Variants in FHIP1A observed in about 807,000 individuals in gnomAD.
FHIP1A encodes FHF complex subunit HOOK-interacting protein 1A.
FHIP1A carries 61 observed loss-of-function variants against 88.6 expected under a neutral mutation model. The observed-to-expected ratio is 0.69, with a 90% CI of 0.56 to 0.85. The LOEUF is 0.85. Ranked by LOEUF, FHIP1A falls within the 40% of genes least tolerant of loss-of-function variation. FHIP1A has a pLI of 0.00. For missense variants in FHIP1A, 1,154 were observed against 1,273.5 expected (o/e 0.91, Z 1.43); for synonymous variants, 478 against 496.0 (o/e 0.96, Z 0.48).
At chr4:151,643,686 A>G (rs1241151943) in intron 9 of FHIP1A, among the ~76,000 whole-genome samples, 1 of 152,092 alleles carries the variant, frequency 6.6e-6, no homozygotes, top group Admixed American at 6.5e-5. Flanking sequence ...AGAACATGTG[A>G]TATTTGTCTT....
At chr4:151,488,198 T>C (rs937111911) in intron 3 of FHIP1A, among the ~76,000 whole-genome samples, 12 of 152,346 alleles carry the variant, frequency 7.9e-5, no homozygotes, top group Admixed American at 6.5e-4. Flanking sequence ...GCTTTTCTTT[T>C]ATCCATATGT....
chr4:151,648,514 G>A (rs760473007), intron 10 of FHIP1A, among the ~76,000 whole-genome samples: 4 of 152,112 alleles, frequency 2.6e-5, no homozygotes, highest in Non-Finnish European at 5.9e-5. Context: ...TTTAGAGCAT[G>A]AAGAGACGTG....
intron 11 of FHIP1A, among the ~76,000 whole-genome samples, chr4:151,653,377 T>TCCCC: frequency 6.6e-6 from 1 of 151,546 alleles, no homozygotes; most frequent in Admixed American, 6.6e-5. Context: ...TCTCTCTCTC[T>TCCCC]CCCCCTCCCT....
At chr4:151,653,664 C>G (rs1271458855) in intron 11 of FHIP1A, among the ~76,000 whole-genome samples, 1 of 152,116 alleles carries the variant, frequency 6.6e-6, no homozygotes, top group Non-Finnish European at 1.5e-5. Flanking sequence ...AATGCTGTTG[C>G]TGGAGTCCAG....
intron 2 of FHIP1A, among the ~76,000 whole-genome samples, chr4:151,465,073 T>G (rs1468688278): frequency 2.0e-5 from 3 of 152,096 alleles, no homozygotes; most frequent in Non-Finnish European, 4.4e-5. Context: ...CCAGGCATGG[T>G]GGTGCACACC....
At chr4:151,412,687 CTT>C (rs555613459) in intron 1 of FHIP1A, among the ~76,000 whole-genome samples, 35 of 95,818 alleles carry the variant, frequency 3.7e-4, no homozygotes, top group South Asian at 8.0e-4. Context: ...CTCTTTCTTT[CTT>C]TTTTTTTTTT....
intron 2 of FHIP1A, among the ~76,000 whole-genome samples, chr4:151,457,304 G>T (rs1447506634): frequency 6.6e-6 from 1 of 152,186 alleles, no homozygotes; most frequent in African/African-American, 2.4e-5. Context: ...TATGTGTGAA[G>T]CTATTAGGTG....
chr4:151,667,142 G>T lies in FHIP1A; in HGVS notation c.*4388G>T, dbSNP rs1290049113. 6.6e-6 allele frequency: 1 copy of T among 152,332 alleles called. No homozygotes were observed. The highest frequency in any genetic ancestry group is 3.4e-3 in the Middle Eastern group (1 of 294). The allele number at this position is 152,332 out of a possible 1,614,324, so 9.4% of individuals were successfully genotyped here. ...GTGTCATGTGTGGTTTGCTGCAAAC[G>T]GCAGCCTGCTTTGCAGTGTGAGCTC... On this transcript the variant is annotated 3_prime_UTR_variant, in exon 14 of 14. Coordinates refer to ENST00000435205, the MANE Select transcript of FHIP1A (RefSeq NM_001109977.3).
intron 5 of FHIP1A, among the ~76,000 whole-genome samples, chr4:151,581,973 G>T (rs1414245866): frequency 6.6e-6 from 1 of 152,044 alleles, no homozygotes; most frequent in Non-Finnish European, 1.5e-5. Context: ...GGAACAATTT[G>T]GTGCCAACAA....
chr4:151,630,370 C>T (rs947935247), intron 8 of FHIP1A, among the ~76,000 whole-genome samples: 4 of 152,140 alleles, frequency 2.6e-5, no homozygotes, highest in South Asian at 4.1e-4. Flanking sequence ...TCCCCAAAGG[C>T]TATCTCTAGT....
Position 151,566,199 on chromosome 4 carries a change from CG to C in FHIP1A, c.-59del, listed in dbSNP as rs1275663899. 1.8e-6 allele frequency: 2 copies of C among 1,081,770 alleles called. No homozygotes were observed. The highest frequency in any genetic ancestry group is 1.6e-5 in the African/African-American group (1 of 61,812). 67.0% of individuals were successfully genotyped at this position (1,081,770 alleles called of 1,614,324 possible). Reference sequence around the variant, plus strand: ...ATTTCTCAAACTTGAAAGTTAGTGACGGCTTACCAAATTTTAATGAAAATTA... The same window carrying C: ...ATTTCTCAAACTTGAAAGTTAGTGACGCTTACCAAATTTTAATGAAAATTA... On this transcript the variant is annotated 5_prime_UTR_variant, in exon 4 of 14. Coordinates refer to ENST00000435205, the MANE Select transcript of FHIP1A (RefSeq NM_001109977.3).
intron 3 of FHIP1A, among the ~76,000 whole-genome samples, chr4:151,518,710 A>C: frequency 8.3e-6 from 1 of 119,816 alleles, no homozygotes; most frequent in East Asian, 2.9e-4. Flanking sequence ...CTTTCGTTTG[A>C]ATGCGGTGGT....
chr4:151,618,980 A>C (rs1253916431), intron 7 of FHIP1A, among the ~76,000 whole-genome samples: 2 of 152,214 alleles, frequency 1.3e-5, no homozygotes, highest in African/African-American at 4.8e-5. Context: ...CCAGGGTAGA[A>C]GGTTATGAAC....
At chr4:151,487,719 C>T (rs1166099000) in intron 3 of FHIP1A, among the ~76,000 whole-genome samples, 1 of 152,192 alleles carries the variant, frequency 6.6e-6, no homozygotes. Flanking sequence ...TTACAAAATC[C>T]TTTGAGATAC....
intron 7 of FHIP1A, among the ~76,000 whole-genome samples, chr4:151,623,291 G>A (rs2126867517): frequency 6.6e-6 from 1 of 152,284 alleles, no homozygotes; most frequent in Admixed American, 6.5e-5. Flanking sequence ...ACCACAGCCT[G>A]TTCTAGGACA....
chr4:151,571,189 A>G (rs951406801), intron 4 of FHIP1A, among the ~76,000 whole-genome samples: 6 of 152,208 alleles, frequency 3.9e-5, no homozygotes, highest in Admixed American at 3.9e-4. Context: ...TTGAATTCCA[A>G]AAGGTCTCTG....
chr4:151,432,979 G>A (rs576882490), intron 1 of FHIP1A, among the ~76,000 whole-genome samples: 1 of 152,206 alleles, frequency 6.6e-6, no homozygotes, highest in South Asian at 2.1e-4. Context: ...GAGATGAAGG[G>A]AAGGGTATTG....
intron 1 of FHIP1A, among the ~76,000 whole-genome samples, chr4:151,411,697 C>G (rs765988065): frequency 3.5e-4 from 53 of 152,080 alleles, no homozygotes; most frequent in Admixed American, 1.1e-3. Context: ...CCTCCTTTCT[C>G]CATGCAAATA....
intron 8 of FHIP1A, among the ~76,000 whole-genome samples, chr4:151,635,586 C>T (rs756412618): frequency 2.0e-5 from 3 of 151,686 alleles, no homozygotes; most frequent in African/African-American, 4.8e-5. Context: ...TGCTACAACA[C>T]GGATGATCTT....
Sources: gnomAD v4.1 joint callset for allele counts (sites outside exome capture counted in the v4.1 genomes callset) on GRCh38, gnomAD v4.1.1 for gene constraint, MANE v1.5 for transcripts, NCBI Gene and HGNC (gene_info 2026-07-23, HGNC 2026-07-21) for gene names.